The following ZNF804A variants were observed in gnomAD, a reference collection of about 807,000 sequenced individuals.
ZNF804A encodes zinc finger protein 804A.
ZNF804A carries 2 observed loss-of-function variants against 16.5 expected under a neutral mutation model. That is an observed-to-expected ratio of 0.12 (90% CI 0.05 to 0.38). ZNF804A has a LOEUF of 0.38. Among genes scored for constraint, ZNF804A ranks in the 10% least tolerant of loss-of-function variants. ZNF804A has a pLI of 0.99. For synonymous variants in ZNF804A, 534 were observed against 489.6 expected (o/e 1.09, Z -1.20); for missense variants, 1,473 against 1,390.7 (o/e 1.06, Z -0.94).
intron 1 of ZNF804A, among the ~76,000 whole-genome samples, chr2:184,854,197 A>G (rs1205093104): frequency 6.6e-6 from 1 of 151,992 alleles, no homozygotes; most frequent in East Asian, 1.9e-4. Context: ...GAAAATTTTT[A>G]GAGCTGATAT....
chr2:184,864,045 G>T (rs191686165), intron 1 of ZNF804A, among the ~76,000 whole-genome samples: 1 of 152,112 alleles, frequency 6.6e-6, no homozygotes, highest in South Asian at 2.1e-4. Flanking sequence ...CACTGTCTTA[G>T]TTCATTTGTG....
At chr2:184,698,360 A>G (rs992302348) in intron 1 of ZNF804A, among the ~76,000 whole-genome samples, 2 of 152,114 alleles carry the variant, frequency 1.3e-5, no homozygotes, top group African/African-American at 4.8e-5. Flanking sequence ...TCTCTTATAC[A>G]GCTAAAAGCA....
At chr2:184,627,413 G>A (rs1220785903) in intron 1 of ZNF804A, among the ~76,000 whole-genome samples, 34 of 151,990 alleles carry the variant, frequency 2.2e-4, no homozygotes, top group Admixed American at 2.2e-3. Flanking sequence ...GTTCTATTGT[G>A]ATACAGAAAC....
At chr2:184,789,914 G>A (rs1432696677) in intron 1 of ZNF804A, among the ~76,000 whole-genome samples, 1 of 151,852 alleles carries the variant, frequency 6.6e-6, no homozygotes, top group African/African-American at 2.4e-5. Flanking sequence ...GAGTTACAAT[G>A]CTAGGTTGTT....
Position 184,937,770 on chromosome 2 carries a change from C to T in ZNF804A, c.2374C>T (p.Pro792Ser). 2 of 1,613,926 alleles carry T rather than the reference C, an allele frequency of 1.2e-6. No homozygotes were observed. Among genetic ancestry groups the T allele is most frequent in the Non-Finnish European group, 1.7e-6 (2 of 1,179,952 alleles). Residue 792 changes from proline to serine, a missense_variant, in exon 4 of 4, where the codon CCA becomes TCA. Pro to Ser is a moderately conservative substitution (Grantham distance 74). Transcript: ENST00000302277. ...DESLNRQNHL[P>S]EEFLRPPSTS... ...AAGTTTAAATCGACAGAATCATTTACCAGAAGAATTTTTGAGGCCACCAAG... is the reference window on the plus strand; with the variant it reads ...AAGTTTAAATCGACAGAATCATTTATCAGAAGAATTTTTGAGGCCACCAAG...
intron 1 of ZNF804A, among the ~76,000 whole-genome samples, chr2:184,827,198 T>A (rs1695180755): frequency 6.6e-6 from 1 of 151,490 alleles, no homozygotes; most frequent in Non-Finnish European, 1.5e-5. Context: ...CTATGGACAA[T>A]TAGTTGATCT....
intron 1 of ZNF804A, among the ~76,000 whole-genome samples, chr2:184,616,266 C>T (rs1691317450): frequency 6.6e-6 from 1 of 152,020 alleles, no homozygotes; most frequent in Non-Finnish European, 1.5e-5. Context: ...GCTGTGTAAC[C>T]TGAGTCAGTT....
chr2:184,871,730 T>C (rs929136405), intron 2 of ZNF804A, among the ~76,000 whole-genome samples: 1 of 151,992 alleles, frequency 6.6e-6, no homozygotes, highest in Non-Finnish European at 1.5e-5. Context: ...CAAACCTTAA[T>C]TGTTTAAAAT....
chr2:184,939,135 G>T lies in ZNF804A; in HGVS notation c.*109G>T, dbSNP rs984943037. 20 of 1,352,168 alleles carry T rather than the reference G, an allele frequency of 1.5e-5. No homozygotes were observed. Among genetic ancestry groups the T allele is most frequent in the Admixed American group, 6.7e-5 (3 of 44,642 alleles). 83.8% of individuals were successfully genotyped at this position (1,352,168 alleles called of 1,614,324 possible). A position where few individuals can be genotyped will look rare whatever the true frequency, so the allele number is the denominator to read the frequency against. On this transcript the variant is annotated 3_prime_UTR_variant, in exon 4 of 4. Coordinates refer to ENST00000302277, the MANE Select transcript of ZNF804A (RefSeq NM_194250.2). ...TTTAACTGGTGGAAATAAACTGGCC[G>T]ATACATGGCGTCATTGGTTTGAAAT... is the stretch of plus-strand genomic sequence containing the variant.
At chr2:184,631,151 C>T (rs142471897) in intron 1 of ZNF804A, among the ~76,000 whole-genome samples, 264 of 152,188 alleles carry the variant, frequency 1.7e-3, no homozygotes, top group African/African-American at 5.8e-3. Flanking sequence ...GCTTCCAAAT[C>T]AGCTTGCAAA....
In ZNF804A at chr2:184,938,683, C is replaced by T; in HGVS notation, c.3287C>T (p.Thr1096Ile). The change falls in exon 4 of 4, where the codon ACC becomes ATC. Residue 1096 changes from threonine to isoleucine, a missense_variant. Thr to Ile is a moderately conservative substitution (Grantham distance 89). Coordinates refer to ENST00000302277, the MANE Select transcript of ZNF804A (RefSeq NM_194250.2). ...LQQSLCSTSV[T>I]TIHHTVLQQH... ...CAGTCCTTATGTTCTACCTCTGTAA[C>T]CACTATCCATCACACTGTTTTGCAG... The T allele has an allele frequency of 3.1e-6, 5 of 1,613,860 alleles. No homozygotes were observed. The highest frequency in any genetic ancestry group is 3.4e-6 in the Non-Finnish European group (4 of 1,179,908).
chr2:184,626,383 A>G (rs1462717247), intron 1 of ZNF804A, among the ~76,000 whole-genome samples: 2 of 152,156 alleles, frequency 1.3e-5, no homozygotes, highest in Non-Finnish European at 2.9e-5. Flanking sequence ...TATTAAAAGA[A>G]TTTATGCTTT....
chr2:184,825,495 CAT>C (rs1491103414), intron 1 of ZNF804A, among the ~76,000 whole-genome samples: 3 of 151,840 alleles, frequency 2.0e-5, no homozygotes, highest in Non-Finnish European at 2.9e-5. Context: ...AATGTGTGTG[CAT>C]GTGTGTGTGT....
At chr2:184,712,011 G>A (rs781564836) in intron 1 of ZNF804A, among the ~76,000 whole-genome samples, 40 of 151,680 alleles carry the variant, frequency 2.6e-4, no homozygotes, top group Non-Finnish European at 4.6e-4. Context: ...AAATGCATTA[G>A]TATTTTGATA....
intron 1 of ZNF804A, among the ~76,000 whole-genome samples, chr2:184,617,010 T>C (rs1691332392): frequency 6.6e-6 from 1 of 152,060 alleles, no homozygotes; most frequent in Non-Finnish European, 1.5e-5. Flanking sequence ...TCTTAGGTTC[T>C]CTTCTCTCCA....
At chr2:184,872,790 G>A (rs1695996026) in intron 2 of ZNF804A, among the ~76,000 whole-genome samples, 1 of 152,010 alleles carries the variant, frequency 6.6e-6, no homozygotes, top group Non-Finnish European at 1.5e-5. Context: ...AATGAATACG[G>A]TCCTGAAGAA....
intron 1 of ZNF804A, among the ~76,000 whole-genome samples, chr2:184,640,606 A>G (rs1300824046): frequency 3.3e-5 from 5 of 152,188 alleles, no homozygotes; most frequent in Non-Finnish European, 5.9e-5. Flanking sequence ...AACAAACTAT[A>G]AGTAATTGAA....
chr2:184,705,817 G>T (rs958365771), intron 1 of ZNF804A, among the ~76,000 whole-genome samples: 6 of 152,056 alleles, frequency 3.9e-5, no homozygotes, highest in Admixed American at 3.9e-4. Flanking sequence ...GTGGTTTGGG[G>T]CTTAAAACAC....
At chr2:184,764,962 A>G (rs1487373693) in intron 1 of ZNF804A, among the ~76,000 whole-genome samples, 1 of 152,236 alleles carries the variant, frequency 6.6e-6, no homozygotes, top group Admixed American at 6.5e-5. Flanking sequence ...AAAACAAAAA[A>G]AAACTATTTT....
Sources: allele counts gnomAD v4.1 joint callset (sites outside exome capture counted in the v4.1 genomes callset), GRCh38; gene constraint gnomAD v4.1.1; transcripts MANE v1.5; gene names NCBI Gene and HGNC (gene_info 2026-07-23, HGNC 2026-07-21).